The following NFATC2 variants were observed in gnomAD, a reference collection of about 807,000 sequenced individuals.
The protein encoded by NFATC2 is nuclear factor of activated T cells 2, also known as nuclear factor of activated T-cells, cytoplasmic 2.
A neutral mutation model predicts 87.3 loss-of-function variants in NFATC2; 22 were observed. The ratio of observed to expected loss-of-function variants is 0.25; its 90% CI spans 0.18 to 0.36. The LOEUF (loss-of-function observed/expected upper bound fraction) is 0.36. Ranked by LOEUF, NFATC2 falls within the 10% of genes least tolerant of loss-of-function variation. The pLI is 1.00. For missense variants in NFATC2, 1,149 were observed against 1,259.1 expected, an observed-to-expected ratio of 0.91 and a Z score of 1.32; for synonymous variants, 565 against 542.2, an observed-to-expected ratio of 1.04 and a Z score of -0.58.
chr20:51,480,549 T>C lies in NFATC2; in HGVS notation c.1333-4889A>G, dbSNP rs1207476940. On this transcript the variant is annotated intron_variant, in intron 3 of 10. Coordinates refer to ENST00000371564, the MANE Select transcript of NFATC2 (RefSeq NM_012340.5). This position sits in a 1 kb window ranked among gnomAD's most constrained non-coding sequence, Gnocchi z 4.2. ...TCCACCTGGCACTGGTGAGGGTCCC[T>C]TCCCCGCCTCCCCGGGTAACACCAG... Among the ~76,000 whole-genome samples the C allele has an allele frequency of 6.6e-6, 1 of 152,148 alleles. No homozygotes were observed. Among genetic ancestry groups the C allele is most frequent in the Non-Finnish European group, 1.5e-5 (1 of 68,018 alleles).
chr20:51,478,243 G>A (rs1014613273), intron 3 of NFATC2, among the ~76,000 whole-genome samples: 9 of 152,332 alleles, frequency 5.9e-5, no homozygotes, highest in Non-Finnish European at 8.8e-5. Flanking sequence ...ACTCAGTGAC[G>A]AAAATCAAAA....
chr20:51,444,852 C>G (rs559511380), intron 6 of NFATC2, among the ~76,000 whole-genome samples: 60 of 152,248 alleles, frequency 3.9e-4, no homozygotes, highest in Non-Finnish European at 7.4e-4. Context: ...GGAATGGCCC[C>G]CCCAGCTTAG....
chr20:51,427,094 T>C (rs1336190089), intron 9 of NFATC2, among the ~76,000 whole-genome samples: 1 of 151,584 alleles, frequency 6.6e-6, no homozygotes, highest in African/African-American at 2.4e-5. Context: ...GGGTAAAACA[T>C]CTCCTTTGAG....
At chr20:51,489,962 G>A (rs576367416) in intron 3 of NFATC2, among the ~76,000 whole-genome samples, 27 of 152,320 alleles carry the variant, frequency 1.8e-4, no homozygotes, top group Admixed American at 3.9e-4. Context: ...TTTCTGTCTG[G>A]TTTCCGAATT....
rs776872241 is a variant in NFATC2, at chr20:51,524,021, G to A, written c.220C>T (p.Pro74Ser). Residue 74 changes from proline (P) to serine (S), a missense_variant, in exon 2 of 11, where the codon CCC becomes TCC. Around this residue, in one of 3 missense-constraint regions of NFATC2, gnomAD observed 563 missense variants for 585.2 expected, o/e 0.96. Transcript: ENST00000371564. The surrounding 1 kb of genome is among the most constrained non-coding windows in gnomAD (Gnocchi z 4.0). Reference sequence around the variant, plus strand: ...GGCTCGCCAGAGAGACTAGCAAGGGGGCTGTATGGCTTGAGGCCATAGTCC... The same window carrying A: ...GGCTCGCCAGAGAGACTAGCAAGGGAGCTGTATGGCTTGAGGCCATAGTCC... ...VLDYGLKPYS[P>S]LASLSGEPPG... 1 of 1,554,884 alleles carries A rather than the reference G, an allele frequency of 6.4e-7. No homozygotes were observed. The highest frequency in any genetic ancestry group is 2.2e-5 in the Admixed American group (1 of 45,432).
At chr20:51,398,293 T>G (rs1555866085) in intron 10 of NFATC2, among the ~76,000 whole-genome samples, 1 of 152,060 alleles carries the variant, frequency 6.6e-6, no homozygotes, top group African/African-American at 2.4e-5. Context: ...CCACCACGGA[T>G]GGAGAGCCTC....
intron 9 of NFATC2, among the ~76,000 whole-genome samples, chr20:51,412,630 C>G (rs1248727867): frequency 6.6e-6 from 1 of 152,196 alleles, no homozygotes; most frequent in African/African-American, 2.4e-5. Context: ...AGGATGCAAA[C>G]ACTGCTGCTG....
intron 5 of NFATC2, among the ~76,000 whole-genome samples, chr20:51,459,301 C>T (rs1196500849): frequency 1.3e-5 from 2 of 152,132 alleles, no homozygotes; most frequent in Non-Finnish European, 2.9e-5. Context: ...GAGCCAGACA[C>T]AAAAGGACAA....
At chr20:51,543,142 G>C (rs2076853185), upstream of NFATC2, among the ~76,000 whole-genome samples, 1 of 152,166 alleles carries the variant, frequency 6.6e-6, no homozygotes, top group Non-Finnish European at 1.5e-5. Context: ...GGGGCGGCAT[G>C]ATTTTCACAG....
At chr20:51,410,146 C>G (rs924467906) in intron 9 of NFATC2, among the ~76,000 whole-genome samples, 1 of 139,436 alleles carries the variant, frequency 7.2e-6, no homozygotes. Flanking sequence ...GGAGGCGGAG[C>G]TGGCAGTGAG....
In NFATC2 at chr20:51,454,068, T is replaced by C. The variant is rs75191870; in HGVS notation, c.1849+480A>G. ...GGCACTATTATAATTACGTGACATG[T>C]ATTAGCTCATTTAACCTCCATGACA... is the stretch of plus-strand genomic sequence containing the variant. On this transcript the variant is annotated intron_variant, in intron 6 of 10. Coordinates refer to ENST00000371564, the MANE Select transcript of NFATC2 (RefSeq NM_012340.5). Among the ~76,000 whole-genome samples the C allele has an allele frequency of 9.0e-3, 1,373 of 152,304 alleles. 25 individuals are homozygous for C. Among genetic ancestry groups the C allele is most frequent in the African/African-American group, 0.031 (1,280 of 41,558 alleles).
At chr20:51,449,702 G>A (rs536274846) in intron 6 of NFATC2, among the ~76,000 whole-genome samples, 70 of 152,268 alleles carry the variant, frequency 4.6e-4, no homozygotes, top group African/African-American at 1.2e-3. Flanking sequence ...CAGGCTGCCT[G>A]AGGTCATCCC....
chr20:51,480,734 C>A lies in NFATC2; in HGVS notation c.1333-5074G>T, dbSNP rs540602899. ...CAGATAAAAAGGAGACATCACCCCC[C>A]ACCCTGCAGGCCTCTTCTGAAAGGC... is the stretch of plus-strand genomic sequence containing the variant. On this transcript the variant is annotated intron_variant, in intron 3 of 10. Coordinates refer to ENST00000371564, the MANE Select transcript of NFATC2 (RefSeq NM_012340.5). This position sits in a 1 kb window ranked among gnomAD's most constrained non-coding sequence, Gnocchi z 4.2. 6.6e-5 allele frequency among the ~76,000 whole-genome samples: 10 copies of A among 152,344 alleles called. No homozygotes were observed. The East Asian group carries it at 1.9e-3, about 29-fold the overall frequency.
chr20:51,524,131 G>A lies in NFATC2; in HGVS notation c.131-21C>T. On this transcript the variant is annotated intron_variant, in intron 1 of 10. Transcript: ENST00000371564. The surrounding 1 kb of genome is among the most constrained non-coding windows in gnomAD (Gnocchi z 4.0). ...CTCTTCTGGAAAGAGAAGGGGGAAG[G>A]GGGTTCTTTTTAAGCCTCAAAAACA... 6.9e-7 allele frequency: 1 copy of A among 1,439,780 alleles called. No individual in the cohort carries two copies. Among genetic ancestry groups the A allele is most frequent in the Non-Finnish European group, 9.1e-7 (1 of 1,098,226 alleles). 89.2% of individuals were successfully genotyped at this position (1,439,780 alleles called of 1,614,324 possible).
intron 3 of NFATC2, among the ~76,000 whole-genome samples, chr20:51,494,216 G>C (rs545548929): frequency 2.0e-5 from 3 of 151,910 alleles, no homozygotes; most frequent in Admixed American, 6.6e-5. Flanking sequence ...TTCTCCACGC[G>C]GAGTGGGCAC....
rs1289140788 is a variant in NFATC2, at chr20:51,388,322, G to A, written c.*3174C>T. 2 of 152,116 alleles carry A rather than the reference G, an allele frequency of 1.3e-5. No individual in the cohort carries two copies. The highest frequency in any genetic ancestry group is 2.4e-5 in the African/African-American group (1 of 41,424). The allele number at this position is 152,116 out of a possible 1,614,324, so 9.4% of individuals were successfully genotyped here. Reference sequence around the variant, plus strand: ...CTCAGTGACCAGATCCAGGCTCAGGGCTGAAGTCAGCATAATTCTTGAGCA... The same window carrying A: ...CTCAGTGACCAGATCCAGGCTCAGGACTGAAGTCAGCATAATTCTTGAGCA... On this transcript the variant is annotated 3_prime_UTR_variant, in exon 11 of 11. Coordinates refer to ENST00000371564, the MANE Select transcript of NFATC2 (RefSeq NM_012340.5).
chr20:51,474,182 C>T, intron 4 of NFATC2, 30 bp from the exon 5 acceptor site: 1 of 1,609,512 alleles, frequency 6.2e-7, no homozygotes, highest in Non-Finnish European at 8.5e-7. Context: ...CCCATTGTCA[C>T]CAACTACCTT....
intron 1 of NFATC2, among the ~76,000 whole-genome samples, chr20:51,526,864 C>G (rs999292718): frequency 3.3e-5 from 5 of 152,120 alleles, no homozygotes; most frequent in African/African-American, 1.2e-4. Context: ...TCACTCTCTC[C>G]CCTCCCTCTC....
chr20:51,458,727 T>C (rs992310516), intron 5 of NFATC2, among the ~76,000 whole-genome samples: 6 of 151,580 alleles, frequency 4.0e-5, no homozygotes, highest in African/African-American at 9.7e-5. Context: ...GGCAGGAGAA[T>C]TGCTTGAACC....
Sources: allele counts gnomAD v4.1 joint callset (sites outside exome capture counted in the v4.1 genomes callset), GRCh38; gene constraint gnomAD v4.1.1; regional missense constraint gnomAD v4.1.1; non-coding constraint Gnocchi (gnomAD v3.1); transcripts MANE v1.5; gene names NCBI Gene and HGNC (gene_info 2026-07-23, HGNC 2026-07-21).